Variants in FREM1 observed in about 807,000 individuals in gnomAD.
The protein encoded by FREM1 is FRAS1 related extracellular matrix 1.
Under a neutral mutation model 210.1 loss-of-function variants are expected in FREM1, and 220 were observed. That is an observed-to-expected ratio of 1.05 (90% CI 0.94 to 1.17). The LOEUF is 1.17. Ranked by LOEUF, FREM1 falls within the 50% of genes most tolerant of loss-of-function variation. The probability of loss-of-function intolerance (pLI) is 0.00; values close to 1 mark genes in which losing one functional copy is unlikely to be tolerated. For synonymous variants in FREM1, 1,189 were observed against 980.2 expected (o/e 1.21, Z -3.98); for missense variants, 3,454 against 2,675.5 (o/e 1.29, Z -6.42).
intron 21 of FREM1, among the ~76,000 whole-genome samples, chr9:14,794,318 T>C (rs932106615): frequency 2.0e-5 from 3 of 152,180 alleles, no homozygotes; most frequent in Admixed American, 6.5e-5. Context: ...AGGAACCACA[T>C]AGATGTGATT....
chr9:14,774,544 T>A (rs921240492), intron 25 of FREM1, among the ~76,000 whole-genome samples: 3 of 115,282 alleles, frequency 2.6e-5, no homozygotes, highest in Non-Finnish European at 4.2e-5. Context: ...TCTCTCTCTC[T>A]CTCTCTCTCT....
chr9:14,787,087 C>T (rs528126641), intron 23 of FREM1, among the ~76,000 whole-genome samples: 1 of 152,196 alleles, frequency 6.6e-6, no homozygotes, highest in Non-Finnish European at 1.5e-5. Context: ...TCAGAAAACA[C>T]AGCAACACAG....
chr9:14,862,896 TC>T (rs1445364618), intron 3 of FREM1, among the ~76,000 whole-genome samples: 1 of 152,232 alleles, frequency 6.6e-6, no homozygotes, highest in Non-Finnish European at 1.5e-5. Context: ...TTGGATTTAT[TC>T]CATTTTTTGG....
At chr9:14,793,704 T>C (rs540331638) in intron 21 of FREM1, among the ~76,000 whole-genome samples, 67 of 152,334 alleles carry the variant, frequency 4.4e-4, no homozygotes, top group Admixed American at 1.4e-3. Flanking sequence ...GCTTAGTTTC[T>C]GAGAAAAATT....
At position 14,818,144 on chromosome 9, in the gene FREM1, A is replaced by G. The variant is rs575760562; in HGVS notation, c.2546+1090T>C. ...GATTACTATGCAGATTAAATTTTCA[A>G]AAACCATAATTGTAAGCCTCTGACA... On this transcript the variant is annotated intron_variant, in intron 14 of 36. Transcript: ENST00000380880. 9.2e-5 allele frequency among the ~76,000 whole-genome samples: 14 copies of G among 152,364 alleles called. No homozygotes were observed. In the South Asian group the frequency reaches 2.9e-3, roughly 32 times the overall value.
intron 27 of FREM1, among the ~76,000 whole-genome samples, chr9:14,760,370 A>G (rs1001292996): frequency 1.3e-5 from 2 of 152,222 alleles, no homozygotes; most frequent in Non-Finnish European, 2.9e-5. Flanking sequence ...ACTTGGGTTC[A>G]GTTTAATAAC....
intron 1 of FREM1, among the ~76,000 whole-genome samples, chr9:14,876,670 A>G (rs1833814736): frequency 2.0e-5 from 3 of 152,126 alleles, no homozygotes; most frequent in Admixed American, 6.5e-5. Context: ...GCTCAAGCAC[A>G]GTGCGCTGCA....
chr9:14,848,806 C>A, intron 6 of FREM1, 33 bp from the exon 7 acceptor site: 1 of 1,321,424 alleles, frequency 7.6e-7, no homozygotes, highest in Non-Finnish European at 1.1e-6. Context: ...GAGCCACACA[C>A]TGAAGCGTTA....
rs144171449 is a variant in FREM1, at chr9:14,783,314, G to A, written c.4442+1056C>T. Among the ~76,000 whole-genome samples the A allele has an allele frequency of 3.3e-5, 5 of 152,282 alleles. No individual in the cohort carries two copies. The East Asian group carries it at 9.6e-4, about 29-fold the overall frequency. Reference sequence around the variant, plus strand: ...ATAGAGGACAGTGATATTCGAACATGGGTGTGACAGTGATACTTGATAGTT... The same window carrying A: ...ATAGAGGACAGTGATATTCGAACATAGGTGTGACAGTGATACTTGATAGTT... On this transcript the variant is annotated intron_variant, in intron 24 of 36. Coordinates refer to ENST00000380880, the MANE Select transcript of FREM1 (RefSeq NM_001379081.2).
chr9:14,797,761 C>T, intron 20 of FREM1, 119 bp from the exon 21 acceptor site: 1 of 693,056 alleles, frequency 1.4e-6, no homozygotes, highest in Non-Finnish European at 2.3e-6. Flanking sequence ...TTTATCAGTG[C>T]AGTAGGGTGA....
In FREM1 at chr9:14,806,316, C is replaced by T. The variant is rs1454437454; in HGVS notation, c.3274+345G>A. Among the ~76,000 whole-genome samples, 4 of 144,940 alleles carry T rather than the reference C, an allele frequency of 2.8e-5. No homozygotes were observed. In the East Asian group the frequency reaches 8.3e-4, roughly 30 times the overall value. On this transcript the variant is annotated intron_variant, in intron 18 of 36. Transcript: ENST00000380880. Reference sequence around the variant, plus strand: ...TGCTGTCCAGATTGGAGTGCAATGGCACAATCTCAGCTCACTGCAACCTCT... The same window carrying T: ...TGCTGTCCAGATTGGAGTGCAATGGTACAATCTCAGCTCACTGCAACCTCT...
At chr9:14,740,839 AT>A (rs1172644928) in intron 35 of FREM1, among the ~76,000 whole-genome samples, 1 of 152,154 alleles carries the variant, frequency 6.6e-6, no homozygotes, top group Non-Finnish European at 1.5e-5. Flanking sequence ...ACAAAACAGA[AT>A]TTTTTATAAA....
Position 14,868,740 on chromosome 9 carries a change from C to T in FREM1, c.234+4G>A. Reference sequence around the variant, plus strand: ...CTGAACAGAAAATCGCAGATAGGACCTACCTGTGGAGTGAGTTTCCCAACC... The same window carrying T: ...CTGAACAGAAAATCGCAGATAGGACTTACCTGTGGAGTGAGTTTCCCAACC... On this transcript the variant is annotated splice_donor_region_variant and intron_variant, in intron 2 of 36. Coordinates refer to ENST00000380880, the MANE Select transcript of FREM1 (RefSeq NM_001379081.2). 6.3e-7 allele frequency: 1 copy of T among 1,589,482 alleles called. No homozygotes were observed. The highest frequency in any genetic ancestry group is 8.6e-7 in the Non-Finnish European group (1 of 1,161,166).
chr9:14,823,682 C>CT, intron 12 of FREM1, among the ~76,000 whole-genome samples: 1 of 152,226 alleles, frequency 6.6e-6, no homozygotes, highest in Non-Finnish European at 1.5e-5. Context: ...ATATTGTTGT[C>CT]AGCCCTTGGA....
chr9:14,775,953 G>T lies in FREM1; in HGVS notation c.4693C>A (p.His1565Asn), dbSNP rs1273074638. The change falls in exon 25 of 37, where the codon CAC (histidine) becomes AAC (asparagine). Residue 1565 changes from histidine (H) to asparagine (N), a missense_variant. Coordinates refer to ENST00000380880, the MANE Select transcript of FREM1 (RefSeq NM_001379081.2). ...LYLWGTGLLQ[H>N]NFTQQDVDSK... ...TCCACATCCTGCTGGGTGAAATTGT[G>T]TTGAAGTAGCCCTGTCCCCCACAGG... 6.2e-7 allele frequency: 1 copy of T among 1,614,018 alleles called. No individual in the cohort carries two copies.
At chr9:14,748,764 G>A in intron 30 of FREM1, 125 bp from the exon 31 acceptor site, 2 of 655,928 alleles carry the variant, frequency 3.0e-6, no homozygotes, top group Non-Finnish European at 5.3e-6. Context: ...ACCAGATGTT[G>A]CCTTTTTGCC....
intron 19 of FREM1, among the ~76,000 whole-genome samples, chr9:14,802,504 T>C (rs1380293876): frequency 6.6e-6 from 1 of 152,182 alleles, no homozygotes; most frequent in Non-Finnish European, 1.5e-5. Context: ...CCAAATTTCC[T>C]GAACTACTCT....
At chr9:14,741,826 G>A (rs1017658841) in intron 35 of FREM1, among the ~76,000 whole-genome samples, 3 of 152,152 alleles carry the variant, frequency 2.0e-5, no homozygotes, top group African/African-American at 7.2e-5. Flanking sequence ...GATATAATGG[G>A]TTTTATTCAA....
At chr9:14,808,874 G>A (rs373143350) in intron 16 of FREM1, among the ~76,000 whole-genome samples, 2 of 152,202 alleles carry the variant, frequency 1.3e-5, no homozygotes, top group South Asian at 2.1e-4. Flanking sequence ...TACCCACTAA[G>A]AGCGTGGAGT....
Sources: gnomAD v4.1 joint callset for allele counts (sites outside exome capture counted in the v4.1 genomes callset) on GRCh38, gnomAD v4.1.1 for gene constraint, MANE v1.5 for transcripts, NCBI Gene and HGNC (gene_info 2026-07-23, HGNC 2026-07-21) for gene names.